Variants in JAM2 observed in about 807,000 individuals in gnomAD.
JAM2 encodes junctional adhesion molecule 2.
In JAM2, 17 loss-of-function variants were observed where a neutral mutation model predicts 42.0. The ratio of observed to expected loss-of-function variants is 0.40; its 90% CI spans 0.28 to 0.61. The LOEUF (loss-of-function observed/expected upper bound fraction) is 0.61. JAM2 is among the 20% of genes least tolerant of loss of function. JAM2 has a pLI of 0.37. For missense variants in JAM2, 319 were observed against 358.3 expected, an observed-to-expected ratio of 0.89 and a Z score of 0.89; for synonymous variants, 118 against 128.6, an observed-to-expected ratio of 0.92 and a Z score of 0.56.
At chr21:25,714,444 G>C in intron 9 of JAM2, 196 bp from the exon 10 acceptor site, 1 of 500,258 alleles carries the variant, frequency 2.0e-6, no homozygotes, top group East Asian at 4.9e-5. Context: ...GTTGCAGTGA[G>C]CTGAGATCAC....
chr21:25,685,730 T>A (rs2033738103), intron 2 of JAM2, among the ~76,000 whole-genome samples: 1 of 152,138 alleles, frequency 6.6e-6, no homozygotes, highest in African/African-American at 2.4e-5. Flanking sequence ...TTTGGGACTA[T>A]GGAGCACCTC....
intron 7 of JAM2, among the ~76,000 whole-genome samples, chr21:25,706,686 G>C (rs952544782): frequency 2.0e-5 from 3 of 152,204 alleles, no homozygotes; most frequent in African/African-American, 4.8e-5. Flanking sequence ...CAGCGAGACA[G>C]AGATATTCAA....
chr21:25,643,428 G>A (rs2032505810), intron 1 of JAM2: 1 of 152,180 alleles, frequency 6.6e-6, no homozygotes, highest in Admixed American at 6.5e-5. Flanking sequence ...CAGGCGCTTA[G>A]CCTGAGTCTA....
chr21:25,680,469 C>T (rs2033603316), intron 1 of JAM2, among the ~76,000 whole-genome samples: 1 of 152,122 alleles, frequency 6.6e-6, no homozygotes, highest in Admixed American at 6.5e-5. Context: ...ATGGGCAGCA[C>T]CTAAGTTTCT....
intron 1 of JAM2, among the ~76,000 whole-genome samples, chr21:25,665,102 T>G (rs2033185089): frequency 6.6e-6 from 1 of 152,128 alleles, no homozygotes; most frequent in Non-Finnish European, 1.5e-5. Flanking sequence ...CTAGAGGTGG[T>G]GAGACTTAAG....
chr21:25,677,232 T>A (rs907270518), intron 1 of JAM2, among the ~76,000 whole-genome samples: 2 of 152,130 alleles, frequency 1.3e-5, no homozygotes, highest in African/African-American at 2.4e-5. Context: ...ATTCAGCTAC[T>A]AAGAAATACT....
intron 5 of JAM2, among the ~76,000 whole-genome samples, chr21:25,701,783 A>T (rs997122282): frequency 3.9e-5 from 6 of 152,090 alleles, no homozygotes; most frequent in African/African-American, 1.4e-4. Flanking sequence ...AAGTGCATTA[A>T]CCCTTTTACC....
chr21:25,681,621 G>T (rs546405323), intron 1 of JAM2, among the ~76,000 whole-genome samples: 1 of 152,230 alleles, frequency 6.6e-6, no homozygotes, highest in East Asian at 1.9e-4. Context: ...ATAATGCTTT[G>T]CATTATTCTG....
intron 3 of JAM2, among the ~76,000 whole-genome samples, chr21:25,690,737 C>T (rs1358399900): frequency 1.3e-5 from 2 of 152,082 alleles, no homozygotes; most frequent in Admixed American, 1.3e-4. Context: ...CACCCTATTT[C>T]CTTAACTCCA....
chr21:25,668,109 G>C (rs570741536), intron 1 of JAM2, among the ~76,000 whole-genome samples: 1 of 152,310 alleles, frequency 6.6e-6, no homozygotes, highest in African/African-American at 2.4e-5. Context: ...TGGCCTGATT[G>C]AGGATGAACA....
At chr21:25,681,839 G>T (rs543948699) in intron 1 of JAM2, among the ~76,000 whole-genome samples, 1 of 152,052 alleles carries the variant, frequency 6.6e-6, no homozygotes, top group African/African-American at 2.4e-5. Context: ...AAAATTAGCC[G>T]GGCGTCGTGG....
chr21:25,652,855 G>A (rs2032820573), intron 1 of JAM2, among the ~76,000 whole-genome samples: 1 of 152,210 alleles, frequency 6.6e-6, no homozygotes, highest in African/African-American at 2.4e-5. Flanking sequence ...CAGCTTTGAA[G>A]AAGTAACAGA....
At chr21:25,689,348 C>T (rs2033825403) in intron 2 of JAM2, among the ~76,000 whole-genome samples, 1 of 152,158 alleles carries the variant, frequency 6.6e-6, no homozygotes, top group South Asian at 2.1e-4. Context: ...TTCTGAGTTT[C>T]CCAGCATGTC....
chr21:25,683,747 T>G, intron 1 of JAM2, 136 bp from the exon 2 acceptor site: 1 of 618,494 alleles, frequency 1.6e-6, no homozygotes, highest in Non-Finnish European at 2.8e-6. Context: ...TTTGATCCTT[T>G]AAAACTATGT....
At chr21:25,686,761 A>C (rs2033760481) in intron 2 of JAM2, among the ~76,000 whole-genome samples, 1 of 152,246 alleles carries the variant, frequency 6.6e-6, no homozygotes, top group Non-Finnish European at 1.5e-5. Context: ...GTTATGTATG[A>C]TTTTGATGAT....
At chr21:25,672,004 T>C (rs750663623) in intron 1 of JAM2, among the ~76,000 whole-genome samples, 4 of 152,224 alleles carry the variant, frequency 2.6e-5, no homozygotes, top group African/African-American at 4.8e-5. Context: ...TAAAGGAAGT[T>C]TGAAACAATA....
chr21:25,685,529 A>AG (rs2033732041), intron 2 of JAM2, among the ~76,000 whole-genome samples: 2 of 151,122 alleles, frequency 1.3e-5, no homozygotes, highest in Non-Finnish European at 3.0e-5. Flanking sequence ...TGTCTCAAAA[A>AG]AAAAAAAAAA....
At position 25,717,419 on chromosome 21, in the gene JAM2, C is replaced by T; in HGVS notation, c.*2747C>T. 2.8e-6 allele frequency: 1 copy of T among 354,772 alleles called. No individual in the cohort carries two copies. Among genetic ancestry groups the T allele is most frequent in the Non-Finnish European group, 5.0e-6 (1 of 201,028 alleles). 22.0% of individuals were successfully genotyped at this position (354,772 alleles called of 1,614,324 possible). On this transcript the variant is annotated 3_prime_UTR_variant, in exon 10 of 10. Transcript: ENST00000480456. ...CTTTGTTTTGTTTTAATTATTGTTG[C>T]TGTTGTAACTAGATTTAATTTATTT...
chr21:25,685,973 T>C (rs73161752), intron 2 of JAM2, among the ~76,000 whole-genome samples: 213 of 152,364 alleles, frequency 1.4e-3, no homozygotes, highest in Non-Finnish European at 2.7e-3. Flanking sequence ...AAAATTATAT[T>C]CTTTAACCTT....
Sources: allele counts gnomAD v4.1 joint callset (sites outside exome capture counted in the v4.1 genomes callset), GRCh38; gene constraint gnomAD v4.1.1; transcripts MANE v1.5; gene names NCBI Gene and HGNC (gene_info 2026-07-23, HGNC 2026-07-21).